Variants in PCDHGA2 observed in about 807,000 individuals in gnomAD.
PCDHGA2 encodes the protein protocadherin gamma-A2.
A neutral mutation model predicts 59.2 loss-of-function variants in PCDHGA2; 40 were observed. The ratio of observed to expected loss-of-function variants is 0.68; its 90% confidence interval spans 0.52 to 0.88. The LOEUF (loss-of-function observed/expected upper bound fraction) is 0.88. PCDHGA2 is among the 40% of genes least tolerant of loss of function. PCDHGA2 has a pLI of 0.00. For missense variants in PCDHGA2, 1,226 were observed against 1,204.0 expected (o/e 1.02, Z -0.27); for synonymous variants, 560 against 526.0 (o/e 1.06, Z -0.89).
At chr5:141,420,412 T>A in intron 1 of PCDHGA2, 1 of 1,225,004 alleles carries the variant, frequency 8.2e-7, no homozygotes, top group Non-Finnish European at 1.1e-6. Flanking sequence ...TGGTTATCAT[T>A]ATTAAAACAA....
chr5:141,369,740 G>T (rs1766464180), intron 1 of PCDHGA2, among the ~76,000 whole-genome samples: 1 of 152,190 alleles, frequency 6.6e-6, no homozygotes, highest in Non-Finnish European at 1.5e-5. Flanking sequence ...AAAGGAAATA[G>T]AATGCAATAA....
chr5:141,449,040 C>A (rs1333983931), intron 1 of PCDHGA2, among the ~76,000 whole-genome samples: 2 of 152,126 alleles, frequency 1.3e-5, no homozygotes, highest in Non-Finnish European at 2.9e-5. Flanking sequence ...GGATTATTAA[C>A]CAGTCTCATA....
chr5:141,424,383 T>C (rs2096817494), intron 1 of PCDHGA2: 2 of 152,238 alleles, frequency 1.3e-5, no homozygotes, highest in Non-Finnish European at 2.9e-5. Context: ...AAGCTCTAGA[T>C]GTCTTTTCCA....
At chr5:141,399,915 C>T in intron 1 of PCDHGA2, 1 of 1,612,364 alleles carries the variant, frequency 6.2e-7, no homozygotes, top group Non-Finnish European at 8.5e-7. Flanking sequence ...ACTCAGGACA[C>T]AACGCCTGGC....
intron 1 of PCDHGA2, chr5:141,415,045 G>C: frequency 6.2e-7 from 1 of 1,613,538 alleles, no homozygotes; most frequent in Non-Finnish European, 8.5e-7. Flanking sequence ...CTTCGCGGTG[G>C]GGGAGCACAC....
chr5:141,351,614 T>C (rs1275277369), intron 1 of PCDHGA2: 7 of 1,613,886 alleles, frequency 4.3e-6, no homozygotes, highest in Non-Finnish European at 5.9e-6. Flanking sequence ...CCATCAGGCC[T>C]CCTATGTGGT....
intron 1 of PCDHGA2, chr5:141,410,045 G>A (rs962300160): frequency 1.9e-6 from 3 of 1,613,048 alleles, no homozygotes; most frequent in African/African-American, 1.3e-5. Context: ...CAGTGAGCCC[G>A]GACTCTTCAG....
chr5:141,377,724 A>T (rs549902283), intron 1 of PCDHGA2: 1 of 152,244 alleles, frequency 6.6e-6, no homozygotes, highest in Non-Finnish European at 1.5e-5. Flanking sequence ...TTTTGAAAAG[A>T]TAAGAATCAT....
intron 1 of PCDHGA2, chr5:141,419,462 C>T: frequency 6.2e-7 from 1 of 1,612,582 alleles, no homozygotes. Flanking sequence ...GCTGCAGGCC[C>T]GCGACCAGGG....
At chr5:141,437,035 C>T (rs991186972) in intron 1 of PCDHGA2, among the ~76,000 whole-genome samples, 1 of 152,120 alleles carries the variant, frequency 6.6e-6, no homozygotes, top group Non-Finnish European at 1.5e-5. Context: ...AATGGATCAC[C>T]GAAACCAGAA....
Position 141,432,377 on chromosome 5 carries a change from C to T in PCDHGA2, c.2425-62430C>T. 3.7e-6 allele frequency: 6 copies of T among 1,614,240 alleles called. No homozygotes were observed. Among genetic ancestry groups the T allele is most frequent in the Non-Finnish European group, 5.1e-6 (6 of 1,180,046 alleles). On this transcript the variant is annotated intron_variant, in intron 1 of 3. Transcript: ENST00000394576. This position sits in a 1 kb window ranked among gnomAD's most constrained non-coding sequence, Gnocchi z 6.0. ...AGTGATGGCGCGGGACAACGGGCAC[C>T]CGCCCCTCAGCAGCAACGTGTCGTT...
At chr5:141,449,080 A>G (rs2098627421) in intron 1 of PCDHGA2, among the ~76,000 whole-genome samples, 1 of 152,198 alleles carries the variant, frequency 6.6e-6, no homozygotes, top group Non-Finnish European at 1.5e-5. Context: ...CCCTGTACCT[A>G]CATCAGTTTT....
chr5:141,343,952 T>C, intron 1 of PCDHGA2: 1 of 1,324,366 alleles, frequency 7.6e-7, no homozygotes. Context: ...CGTAAAAGAC[T>C]TCGTTTCTTG....
chr5:141,398,336 C>T lies in PCDHGA2; in HGVS notation c.2424+56941C>T, dbSNP rs2093641789. The T allele has an allele frequency of 7.3e-6, 10 of 1,363,224 alleles. No individual in the cohort carries two copies. In the East Asian group the frequency reaches 1.7e-4, roughly 24 times the overall value. 84.4% of individuals were successfully genotyped at this position (1,363,224 alleles called of 1,614,324 possible). On this transcript the variant is annotated intron_variant, in intron 1 of 3. Coordinates refer to ENST00000394576, the MANE Select transcript of PCDHGA2 (RefSeq NM_018915.4). ...CCGACTCGAAAACTGCGCGTCAGTT[C>T]GGAGAAGCCTTACTTCACCGTGAGC...
chr5:141,434,517 G>A (rs1476955199), intron 1 of PCDHGA2, among the ~76,000 whole-genome samples: 1 of 152,212 alleles, frequency 6.6e-6, no homozygotes, highest in East Asian at 1.9e-4. Context: ...GCTTAAAGGT[G>A]TTCTTAAACC....
At chr5:141,503,675 T>C (rs1233495836) in intron 2 of PCDHGA2, among the ~76,000 whole-genome samples, 1 of 152,104 alleles carries the variant, frequency 6.6e-6, no homozygotes. Flanking sequence ...CTTCCCACTT[T>C]TGGGAAGGAG....
intron 1 of PCDHGA2, among the ~76,000 whole-genome samples, chr5:141,450,304 T>C (rs759506660): frequency 1.3e-5 from 2 of 151,906 alleles, no homozygotes; most frequent in African/African-American, 2.4e-5. Flanking sequence ...TGAGCCACCA[T>C]GTGTGGCCTA....
intron 1 of PCDHGA2, among the ~76,000 whole-genome samples, chr5:141,479,909 A>G (rs2099509651): frequency 6.6e-6 from 1 of 152,160 alleles, no homozygotes; most frequent in South Asian, 2.1e-4. Context: ...AAACACTGTT[A>G]TTTTGTTACT....
At chr5:141,417,982 G>A (rs756382601) in intron 1 of PCDHGA2, 4 of 1,613,886 alleles carry the variant, frequency 2.5e-6, no homozygotes, top group Admixed American at 3.3e-5. Flanking sequence ...CGGAGGAGCT[G>A]GCCAAGGGCT....
Sources: allele counts gnomAD v4.1 joint callset (sites outside exome capture counted in the v4.1 genomes callset), GRCh38; gene constraint gnomAD v4.1.1; non-coding constraint Gnocchi (gnomAD v3.1); transcripts MANE v1.5; gene names NCBI Gene and HGNC (gene_info 2026-07-23, HGNC 2026-07-21).